The following PDE7A variants were observed in gnomAD, a reference collection of about 807,000 sequenced individuals.
The protein encoded by PDE7A is phosphodiesterase 7A.
Under a neutral mutation model 64.3 loss-of-function variants are expected in PDE7A, and 39 were observed. The observed-to-expected ratio is 0.61, with a 90% CI of 0.47 to 0.79. The LOEUF (loss-of-function observed/expected upper bound fraction) is 0.79, where lower values mean the gene tolerates loss of function less well. Ranked by LOEUF, PDE7A falls within the 30% of genes least tolerant of loss-of-function variation. The probability of loss-of-function intolerance (pLI) is 0.00; values close to 1 mark genes in which losing one functional copy is unlikely to be tolerated. For synonymous variants in PDE7A, 203 were observed against 206.8 expected (o/e 0.98, Z 0.16); for missense variants, 470 against 582.8 (o/e 0.81, Z 1.99).
At chr8:65,776,989 A>G (rs551721468) in intron 3 of PDE7A, among the ~76,000 whole-genome samples, 47 of 151,858 alleles carry the variant, frequency 3.1e-4, no homozygotes, top group South Asian at 2.9e-3. Context: ...TGGGTTTTGT[A>G]GCTAATGTTT....
intron 1 of PDE7A, among the ~76,000 whole-genome samples, chr8:65,784,206 C>CA (rs1249745148): frequency 6.6e-6 from 1 of 151,170 alleles, no homozygotes; most frequent in Non-Finnish European, 1.5e-5. Flanking sequence ...GAGACTGTCT[C>CA]AAAAAAAGGG....
intron 9 of PDE7A, chr8:65,725,647 T>C (rs560759553): frequency 6.6e-6 from 1 of 152,174 alleles, no homozygotes; most frequent in African/African-American, 2.4e-5. Flanking sequence ...TATCTCTGTA[T>C]AATGATCAGT....
intron 1 of PDE7A, among the ~76,000 whole-genome samples, chr8:65,796,836 A>G (rs751471468): frequency 6.6e-6 from 1 of 152,188 alleles, no homozygotes; most frequent in African/African-American, 2.4e-5. Flanking sequence ...CAATAAATAC[A>G]TTAAGGCCAC....
intron 7 of PDE7A, 98 bp from the exon 8 acceptor site, chr8:65,727,399 T>C (rs1585830765): frequency 6.6e-7 from 1 of 1,523,070 alleles, no homozygotes; most frequent in East Asian, 2.4e-5. Flanking sequence ...GTAGTGGTGG[T>C]AATCTCCTCC....
intron 7 of PDE7A, among the ~76,000 whole-genome samples, chr8:65,733,045 G>A (rs1806965596): frequency 6.6e-6 from 1 of 152,130 alleles, no homozygotes; most frequent in African/African-American, 2.4e-5. Context: ...ACTATGATAA[G>A]GGAGAAGGGA....
At chr8:65,823,679 G>T (rs914856640) in intron 1 of PDE7A, among the ~76,000 whole-genome samples, 4 of 151,998 alleles carry the variant, frequency 2.6e-5, no homozygotes, top group Admixed American at 6.6e-5. Context: ...TTAAAAACAT[G>T]AAGAGATAAC....
intron 2 of PDE7A, among the ~76,000 whole-genome samples, chr8:65,781,672 T>TA (rs1809423747): frequency 6.6e-6 from 1 of 152,126 alleles, no homozygotes; most frequent in African/African-American, 2.4e-5. Flanking sequence ...AGAGTGGAGT[T>TA]ATATTTACTG....
At chr8:65,836,426 G>A (rs1810953840) in intron 1 of PDE7A, among the ~76,000 whole-genome samples, 1 of 152,170 alleles carries the variant, frequency 6.6e-6, no homozygotes, top group Admixed American at 6.5e-5. Context: ...TTTATAAAAT[G>A]TCTAATAATA....
At chr8:65,816,679 G>A (rs1810411690) in intron 1 of PDE7A, among the ~76,000 whole-genome samples, 1 of 152,078 alleles carries the variant, frequency 6.6e-6, no homozygotes, top group African/African-American at 2.4e-5. Flanking sequence ...CACTGCCTTG[G>A]GCCTCCACCA....
At chr8:65,810,874 C>T (rs987220124) in intron 1 of PDE7A, among the ~76,000 whole-genome samples, 2 of 152,022 alleles carry the variant, frequency 1.3e-5, no homozygotes, top group African/African-American at 4.8e-5. Context: ...GACTGAAAAA[C>T]TATTAGAAAC....
chr8:65,804,718 T>C (rs1254242384), intron 1 of PDE7A, among the ~76,000 whole-genome samples: 2 of 152,046 alleles, frequency 1.3e-5, no homozygotes, highest in Non-Finnish European at 2.9e-5. Flanking sequence ...TTTCTATTTT[T>C]AGTAGAGACA....
At chr8:65,814,107 A>C (rs1424465210) in intron 1 of PDE7A, among the ~76,000 whole-genome samples, 1 of 152,210 alleles carries the variant, frequency 6.6e-6, no homozygotes, top group Non-Finnish European at 1.5e-5. Context: ...CCAATGCAGT[A>C]ACACAGATGC....
intron 1 of PDE7A, among the ~76,000 whole-genome samples, chr8:65,813,577 G>A (rs962155002): frequency 3.3e-5 from 5 of 151,988 alleles, no homozygotes; most frequent in African/African-American, 1.2e-4. Context: ...ATAAAAACAA[G>A]TTTATTTTAT....
At chr8:65,824,197 T>A (rs892624334) in intron 1 of PDE7A, among the ~76,000 whole-genome samples, 2 of 152,222 alleles carry the variant, frequency 1.3e-5, no homozygotes, top group Non-Finnish European at 2.9e-5. Flanking sequence ...TATTTCAAAC[T>A]TTTTAATTAT....
At chr8:65,831,126 A>C (rs1453729426) in intron 1 of PDE7A, among the ~76,000 whole-genome samples, 1 of 152,130 alleles carries the variant, frequency 6.6e-6, no homozygotes, top group Non-Finnish European at 1.5e-5. Context: ...GAAGGTACAC[A>C]GTTTTTTTGT....
intron 3 of PDE7A, among the ~76,000 whole-genome samples, chr8:65,776,260 A>C (rs1809256040): frequency 6.6e-6 from 1 of 152,184 alleles, no homozygotes; most frequent in African/African-American, 2.4e-5. Context: ...TCACAAATCA[A>C]ATATCCATAT....
chr8:65,765,307 G>A (rs896334981), intron 3 of PDE7A, among the ~76,000 whole-genome samples: 63 of 151,198 alleles, frequency 4.2e-4, no homozygotes, highest in Non-Finnish European at 6.2e-4. Context: ...GGCTAAAACG[G>A]TGAAACCCCG....
At chr8:65,817,678 T>C (rs1381520204) in intron 1 of PDE7A, among the ~76,000 whole-genome samples, 2 of 152,040 alleles carry the variant, frequency 1.3e-5, no homozygotes, top group African/African-American at 4.8e-5. Context: ...ATGATCGGAC[T>C]CAGGTTATAG....
chr8:65,778,358 C>T (rs529996696), intron 3 of PDE7A, among the ~76,000 whole-genome samples: 35 of 152,282 alleles, frequency 2.3e-4, no homozygotes, highest in African/African-American at 7.5e-4. Flanking sequence ...GTTGGCACCA[C>T]ACCTAAGAGT....
Sources: allele counts gnomAD v4.1 joint callset (sites outside exome capture counted in the v4.1 genomes callset), GRCh38; gene constraint gnomAD v4.1.1; transcripts MANE v1.5; gene names NCBI Gene and HGNC (gene_info 2026-07-23, HGNC 2026-07-21).